The following ARHGEF18 variants were observed in gnomAD, a reference collection of about 807,000 sequenced individuals.
ARHGEF18 encodes the protein Rho/Rac guanine nucleotide exchange factor 18.
In ARHGEF18, 93 loss-of-function variants were observed where a neutral mutation model predicts 155.7. That is an observed-to-expected ratio of 0.60 (90% confidence interval 0.50 to 0.71). ARHGEF18 has a LOEUF of 0.71. Ranked by LOEUF, ARHGEF18 falls within the 30% of genes least tolerant of loss-of-function variation. ARHGEF18 has a pLI of 0.00. For missense variants in ARHGEF18, 1,593 were observed against 1,816.1 expected (o/e 0.88, Z 2.23); for synonymous variants, 742 against 753.1 (o/e 0.99, Z 0.24).
intron 15 of ARHGEF18, among the ~76,000 whole-genome samples, chr19:7,447,777 T>G (rs1975088360): frequency 6.6e-6 from 1 of 151,798 alleles, no homozygotes; most frequent in East Asian, 2.0e-4. Flanking sequence ...GAGGATCACT[T>G]GAGGCCAGGA....
At chr19:7,399,214 G>A (rs1034225422) in intron 10 of ARHGEF18, among the ~76,000 whole-genome samples, 19 of 152,208 alleles carry the variant, frequency 1.2e-4, no homozygotes, top group Non-Finnish European at 2.4e-4. Context: ...TGGAAGCCTC[G>A]CAGCTGCCTG....
chr19:7,377,204 G>T (rs1255473457), intron 5 of ARHGEF18, among the ~76,000 whole-genome samples: 3 of 151,998 alleles, frequency 2.0e-5, no homozygotes, highest in Non-Finnish European at 4.4e-5. Context: ...CCAAGTAGCT[G>T]GGACTACAAG....
At chr19:7,473,063 G>A (rs1188814942), downstream of ARHGEF18, 3 of 456,130 alleles carry the variant, frequency 6.6e-6, no homozygotes, top group Non-Finnish European at 1.3e-5. Context: ...GCGCCTCCAC[G>A]AAAATCTTTT....
chr19:7,464,205 T>C (rs1976475010), intron 22 of ARHGEF18, among the ~76,000 whole-genome samples: 2 of 152,062 alleles, frequency 1.3e-5, no homozygotes, highest in South Asian at 4.2e-4. Flanking sequence ...GCCCGGCTAC[T>C]TTTTGTATTT....
chr19:7,479,522 A>G, the ARHGEF18 span, among the ~76,000 whole-genome samples: 73 of 152,190 alleles, frequency 4.8e-4, no homozygotes, highest in Non-Finnish European at 8.2e-4. Flanking sequence ...GGACCCAGGC[A>G]TCTCCATTTA....
intron 8 of ARHGEF18, 93 bp downstream of exon 8, chr19:7,381,087 G>GGT: frequency 7.9e-6 from 8 of 1,009,464 alleles, no homozygotes; most frequent in Middle Eastern, 3.6e-4. Flanking sequence ...CATGCTGGGG[G>GGT]CAGGAGCTGG....
rs375434023 is a variant in ARHGEF18 at position 7,407,613 on chromosome 19, G to A, written c.967+24410G>A. Among the ~76,000 whole-genome samples, 4 of 152,050 alleles carry A rather than the reference G, an allele frequency of 2.6e-5. No individual in the cohort carries two copies. In the East Asian group the frequency reaches 7.7e-4, roughly 29 times the overall value. ...CATTGGGAGTTCCCAGACTGCATGA[G>A]CCCAGCTGGTTGCATTTGAATTCTT... On this transcript the variant is annotated intron_variant, in intron 10 of 28. Transcript: ENST00000668164.
Position 7,462,496 on chromosome 19 carries a change from G to A in ARHGEF18, c.2635+162G>A, listed in dbSNP as rs1976338275. 6.6e-6 allele frequency among the ~76,000 whole-genome samples: 1 copy of A among 152,190 alleles called. No homozygotes were observed. The highest frequency in any genetic ancestry group is 1.9e-4 in the East Asian group (1 of 5,186). On this transcript the variant is annotated intron_variant, in intron 21 of 28. Transcript: ENST00000668164. This position sits in a 1 kb window ranked among gnomAD's most constrained non-coding sequence, Gnocchi z 4.4. ...GGAGCAGCACTGACCGCCCCCCGGT[G>A]CCTGTGAGAGCCAGAAGGGCCTTAG...
At position 7,459,936 on chromosome 19, in the gene ARHGEF18, G is replaced by A. The variant is rs766635669; in HGVS notation, c.2394G>A (p.Leu798=). 13 of 1,589,078 alleles carry A rather than the reference G, an allele frequency of 8.2e-6. No homozygotes were observed. The highest frequency in any genetic ancestry group is 9.4e-6 in the Non-Finnish European group (11 of 1,167,804). ...ACGAGGAGGAGGGGCCCTTCAGCCT[G>A]CCCGAAGAGGAAAGGAAGGTGGTCG... ...CPDEEEGPFS[L]PEEERKVVEA... is the part of the protein sequence containing the mutation. Residue 798 remains leucine, a synonymous_variant, in exon 20 of 29, where the codon CTG becomes CTA. Transcript: ENST00000668164.
At chr19:7,362,170 AAGAAGGAGAAGAAGGAGAAGAAGG>A in intron 1 of ARHGEF18, among the ~76,000 whole-genome samples, 4 of 36,550 alleles carry the variant, frequency 1.1e-4, no homozygotes, top group African/African-American at 8.5e-4. Flanking sequence ...GAAGAAGGAG[AAGAAGGAGAAGAAGGAGAAGAAGG>A]AGAAGAAGAA....
At chr19:7,436,133 A>G (rs1392454523) in intron 10 of ARHGEF18, among the ~76,000 whole-genome samples, 1 of 151,866 alleles carries the variant, frequency 6.6e-6, no homozygotes, top group Non-Finnish European at 1.5e-5. Flanking sequence ...GAGGGTTTAC[A>G]TATATTCCCA....
In ARHGEF18 at chr19:7,373,017, T is replaced by C; in HGVS notation, c.221T>C (p.Leu74Pro). 4 of 1,234,440 alleles carry C rather than the reference T, an allele frequency of 3.2e-6. No individual in the cohort carries two copies. The highest frequency in any genetic ancestry group is 4.0e-6 in the Non-Finnish European group (4 of 988,190). 76.5% of individuals were successfully genotyped at this position (1,234,440 alleles called of 1,614,324 possible). A position where few individuals can be genotyped will look rare whatever the true frequency, so the allele number is the denominator to read the frequency against. ...TCCAGCTTGGCAGGGTCCCAAGACC[T>C]GTCAAGGCGGCGCAGCTGGGAAAGG... ...LFSSLAGSQD[L>P]SRRRSWERSR... is the part of the protein sequence containing the mutation. The change falls in exon 3 of 29, where the codon CTG (leucine) becomes CCG (proline). Residue 74 changes from leucine (L) to proline (P), a missense_variant. Leu to Pro is a moderately conservative substitution (Grantham distance 98, BLOSUM62 -3). Coordinates refer to ENST00000668164, the MANE Select transcript of ARHGEF18 (RefSeq NM_001367823.1).
rs1974581551 is a variant in ARHGEF18, at chr19:7,440,638, C to T, written c.1106+156C>T. 6.6e-6 allele frequency among the ~76,000 whole-genome samples: 1 copy of T among 152,212 alleles called. No homozygotes were observed. The highest frequency in any genetic ancestry group is 1.5e-5 in the Non-Finnish European group (1 of 68,042). ...AGAAATTCCCATTAACGCTTGCTTC[C>T]AGGATCCACGCCTTTTTTGCAAAAA... On this transcript the variant is annotated intron_variant, in intron 11 of 28. Transcript: ENST00000668164. This position sits in a 1 kb window ranked among gnomAD's most constrained non-coding sequence, Gnocchi z 5.4.
chr19:7,390,901 G>A (rs532987743), intron 10 of ARHGEF18, among the ~76,000 whole-genome samples: 1 of 152,200 alleles, frequency 6.6e-6, no homozygotes, highest in Non-Finnish European at 1.5e-5. Context: ...TTAGCTGGGT[G>A]TGGTGGCGCC....
In ARHGEF18 at chr19:7,429,419, G is replaced by A. The variant is rs187510432; in HGVS notation, c.968-10925G>A. Reference sequence around the variant, plus strand: ...GGCTTTTGAGACCAGCTTGGCCAACGTGGTGAAACCTCATCTCTACTAAAA... The same window carrying A: ...GGCTTTTGAGACCAGCTTGGCCAACATGGTGAAACCTCATCTCTACTAAAA... On this transcript the variant is annotated intron_variant, in intron 10 of 28. Transcript: ENST00000668164. 9.9e-5 allele frequency among the ~76,000 whole-genome samples: 15 copies of A among 152,118 alleles called. 1 individual carries two copies. The highest frequency in any genetic ancestry group is 2.9e-4 in the African/African-American group (12 of 41,516).
At chr19:7,441,275 A>G (rs527442359) in intron 11 of ARHGEF18, among the ~76,000 whole-genome samples, 2 of 147,808 alleles carry the variant, frequency 1.4e-5, no homozygotes, top group South Asian at 4.3e-4. Flanking sequence ...CACCTCCCAG[A>G]TTCAAGTGAT....
At chr19:7,359,343 G>A (rs1392462488) in intron 1 of ARHGEF18, among the ~76,000 whole-genome samples, 1 of 152,180 alleles carries the variant, frequency 6.6e-6, no homozygotes, top group East Asian at 1.9e-4. Context: ...GGCAATTGTG[G>A]TTGGTAATTG....
rs1970829261 is a variant in ARHGEF18 at position 7,383,187 on chromosome 19, AC to A, written c.953del (p.Pro318LeufsTer3). ...CCTCCAGCTGCCCCCTGTGTGGCAA[AC>A]CTTTCTTGAGCTCAGGTAAGTCTGG... is the stretch of plus-strand genomic sequence containing the variant. Reference protein sequence around the residue: ...GPSSCPLCGKPFLSSASLKEH... With the variant: ...GPSSCPLCGKXFLSSASLKEH... On this transcript the variant is annotated frameshift_variant, in exon 10 of 29. Transcript: ENST00000668164. LOFTEE classifies it high-confidence loss of function. The A allele has an allele frequency of 8.1e-7, 1 of 1,232,056 alleles. No individual in the cohort carries two copies. Among genetic ancestry groups the A allele is most frequent in the Non-Finnish European group, 1.0e-6 (1 of 988,058 alleles). 76.3% of individuals were successfully genotyped at this position (1,232,056 alleles called of 1,614,324 possible). A position where few individuals can be genotyped will look rare whatever the true frequency, so the allele number is the denominator to read the frequency against.
intron 10 of ARHGEF18, chr19:7,392,537 TG>T (rs985208766): frequency 1.4e-5 from 2 of 144,966 alleles, no homozygotes; most frequent in African/African-American, 5.1e-5. Flanking sequence ...CTGACTCTAC[TG>T]AAAAAAAAAC....
Sources: allele counts gnomAD v4.1 joint callset (sites outside exome capture counted in the v4.1 genomes callset), GRCh38; gene constraint gnomAD v4.1.1; non-coding constraint Gnocchi (gnomAD v3.1); transcripts MANE v1.5; gene names NCBI Gene and HGNC (gene_info 2026-07-23, HGNC 2026-07-21).